LRP1B: variants seen among roughly 807,000 people sequenced by gnomAD.
The protein encoded by LRP1B is low-density lipoprotein receptor-related protein 1B.
A neutral mutation model predicts 556.6 loss-of-function variants in LRP1B; 217 were observed. The ratio of observed to expected loss-of-function variants is 0.39; its 90% CI spans 0.35 to 0.44. LRP1B has a LOEUF of 0.44. LRP1B is among the 20% of genes least tolerant of loss of function. The pLI, the probability that LRP1B is intolerant of heterozygous loss-of-function variation, is 1.00. For synonymous variants in LRP1B, 2,047 were observed against 1,865.8 expected (o/e 1.10, Z -2.50); for missense variants, 5,053 against 5,620.8 (o/e 0.90, Z 3.23).
At chr2:140,327,697 T>TAATC (rs1263348257) in intron 79 of LRP1B, among the ~76,000 whole-genome samples, 12 of 152,136 alleles carry the variant, frequency 7.9e-5, no homozygotes, top group African/African-American at 2.9e-4. Context: ...TTAATATTGA[T>TAATC]AATCACAGAA....
intron 1 of LRP1B, among the ~76,000 whole-genome samples, chr2:141,884,837 C>A (rs1699061192): frequency 6.6e-6 from 1 of 152,126 alleles, no homozygotes; most frequent in African/African-American, 2.4e-5. Context: ...TAAGATAAAG[C>A]AAACTATCTT....
At chr2:140,473,803 T>A (rs1157146566) in intron 60 of LRP1B, among the ~76,000 whole-genome samples, 1 of 151,882 alleles carries the variant, frequency 6.6e-6, no homozygotes, top group African/African-American at 2.4e-5. Context: ...AGGTTTATAG[T>A]TACATAGGAA....
rs3832053 is a variant in LRP1B at position 142,130,785 on chromosome 2, CCGGCGGCGGCGG to C, written c.-68_-57del. ...GAGACTGCTCGGCGGCACCTTCGGC[CCGGCGGCGGCGG>C]CGGCGGCAGGGGCCGCTTGGAGCCT... is the stretch of plus-strand genomic sequence containing the variant. On this transcript the variant is annotated 5_prime_UTR_variant, in exon 1 of 91. Transcript: ENST00000389484. 3 of 1,458,626 alleles carry C rather than the reference CCGGCGGCGGCGG, an allele frequency of 2.1e-6. No individual in the cohort carries two copies. The South Asian group carries it at 3.6e-5, about 18-fold the overall frequency. The allele number at this position is 1,458,626 out of a possible 1,614,324, so 90.4% of individuals were successfully genotyped here.
chr2:142,070,612 T>G (rs1356995879), intron 1 of LRP1B, among the ~76,000 whole-genome samples: 1 of 151,916 alleles, frequency 6.6e-6, no homozygotes, highest in Non-Finnish European at 1.5e-5. Flanking sequence ...TGCATTCAAC[T>G]GTCTTTTACA....
At chr2:141,885,135 T>C (rs1260577256) in intron 1 of LRP1B, among the ~76,000 whole-genome samples, 1 of 152,252 alleles carries the variant, frequency 6.6e-6, no homozygotes, top group Admixed American at 6.5e-5. Flanking sequence ...TTTTATGAAC[T>C]ATATCAGAAT....
At chr2:140,610,620 C>T (rs1321597357) in intron 41 of LRP1B, among the ~76,000 whole-genome samples, 1 of 152,196 alleles carries the variant, frequency 6.6e-6, no homozygotes, top group Non-Finnish European at 1.5e-5. Flanking sequence ...GAATCTCGCT[C>T]TGTCGCCCAG....
At chr2:142,066,052 A>T (rs1183463709) in intron 1 of LRP1B, among the ~76,000 whole-genome samples, 2 of 151,470 alleles carry the variant, frequency 1.3e-5, no homozygotes, top group Non-Finnish European at 3.0e-5. Context: ...GTGAAATGAA[A>T]GGGAAAAAAA....
At chr2:141,079,416 T>C (rs908514638) in intron 7 of LRP1B, among the ~76,000 whole-genome samples, 2 of 152,226 alleles carry the variant, frequency 1.3e-5, no homozygotes, top group Admixed American at 6.5e-5. Flanking sequence ...TTGATGCATG[T>C]GCATTATTCA....
intron 25 of LRP1B, among the ~76,000 whole-genome samples, chr2:140,870,829 A>G (rs1349958828): frequency 1.3e-5 from 2 of 152,170 alleles, no homozygotes; most frequent in East Asian, 1.9e-4. Context: ...TTAAAATTCA[A>G]TTAATCCACT....
chr2:141,504,361 T>C (rs1683840889), intron 2 of LRP1B, among the ~76,000 whole-genome samples: 1 of 152,106 alleles, frequency 6.6e-6, no homozygotes. Flanking sequence ...ATTTACTATG[T>C]AATTGATTTA....
chr2:141,947,242 G>A (rs994042445), intron 1 of LRP1B, among the ~76,000 whole-genome samples: 7 of 152,066 alleles, frequency 4.6e-5, no homozygotes, highest in African/African-American at 1.7e-4. Flanking sequence ...GACCAGCGTG[G>A]CCAACATGGT....
At position 140,323,809 on chromosome 2, in the gene LRP1B, TAAGATATTTAAA is replaced by T. The variant is rs1680300584; in HGVS notation, c.12514+72_12514+83del. The T allele has an allele frequency of 8.7e-6, 6 of 691,180 alleles. No homozygotes were observed. The South Asian group carries it at 1.9e-4, about 21-fold the overall frequency. 42.8% of individuals were successfully genotyped at this position (691,180 alleles called of 1,614,324 possible). A position where few individuals can be genotyped will look rare whatever the true frequency, so the allele number is the denominator to read the frequency against. On this transcript the variant is annotated intron_variant, in intron 81 of 90. Transcript: ENST00000389484. ...ACTGAGGTTAAGACATTTACATAGTTAAGATATTTAAAAATATATTATTTTGAGAGATACAAG... is the reference window on the plus strand; with the variant it reads ...ACTGAGGTTAAGACATTTACATAGTTAATATATTATTTTGAGAGATACAAG...
chr2:141,573,344 C>T (rs11689757), intron 2 of LRP1B, among the ~76,000 whole-genome samples: 1 of 152,002 alleles, frequency 6.6e-6, no homozygotes, highest in Non-Finnish European at 1.5e-5. Flanking sequence ...CTGAATGACT[C>T]CTGGGTAAAT....
chr2:140,327,801 G>A (rs623670), intron 79 of LRP1B, among the ~76,000 whole-genome samples: 72,524 of 151,742 alleles, frequency 0.48, 17,849 homozygotes, highest in Non-Finnish European at 0.53. Context: ...ATATTGCATT[G>A]TTGGTCTAGG....
intron 66 of LRP1B, among the ~76,000 whole-genome samples, chr2:140,416,674 G>A (rs1685217833): frequency 6.6e-6 from 1 of 151,958 alleles, no homozygotes; most frequent in African/African-American, 2.4e-5. Flanking sequence ...ACCTGTCAGT[G>A]AGTGGCAAGT....
intron 1 of LRP1B, among the ~76,000 whole-genome samples, chr2:142,039,225 G>T (rs1038664852): frequency 1.3e-5 from 2 of 151,426 alleles, no homozygotes; most frequent in Non-Finnish European, 3.0e-5. Flanking sequence ...ATGATAAATT[G>T]CCTTGGTCAA....
chr2:141,359,065 A>C (rs1688725932), intron 3 of LRP1B, among the ~76,000 whole-genome samples: 1 of 152,134 alleles, frequency 6.6e-6, no homozygotes, highest in African/African-American at 2.4e-5. Context: ...CTATGATTAC[A>C]ATCATAAAAT....
Position 141,182,949 on chromosome 2 carries a change from G to A in LRP1B, c.1013+5472C>T, listed in dbSNP as rs549746767. 2.8e-4 allele frequency among the ~76,000 whole-genome samples: 42 copies of A among 152,042 alleles called. No individual in the cohort carries two copies. In the South Asian group the frequency reaches 8.5e-3, roughly 31 times the overall value. On this transcript the variant is annotated intron_variant, in intron 7 of 90. Transcript: ENST00000389484. ...AAGGCAGTCATGAATCACAGATGAG[G>A]ACCCTACCTTCCAAGATGGGTATAT...
chr2:141,643,896 T>G (rs545116301), intron 2 of LRP1B, among the ~76,000 whole-genome samples: 14 of 152,142 alleles, frequency 9.2e-5, no homozygotes, highest in African/African-American at 3.1e-4. Flanking sequence ...AACAGCGACC[T>G]TATAGGGCTG....
Sources: gnomAD v4.1 joint callset for allele counts (sites outside exome capture counted in the v4.1 genomes callset) on GRCh38, gnomAD v4.1.1 for gene constraint, MANE v1.5 for transcripts, NCBI Gene and HGNC (gene_info 2026-07-23, HGNC 2026-07-21) for gene names.